Variants in PDZD2 observed in about 807,000 individuals in gnomAD.
The protein encoded by PDZD2 is PDZ domain containing 2.
PDZD2 carries 90 observed loss-of-function variants against 220.7 expected under a neutral mutation model. The observed-to-expected ratio is 0.41, with a 90% CI of 0.34 to 0.49. The LOEUF is 0.49. Among genes scored for constraint, PDZD2 ranks in the 20% least tolerant of loss-of-function variants. The pLI is 0.28. For missense variants in PDZD2, 3,174 were observed against 3,608.5 expected (o/e 0.88, Z 3.08); for synonymous variants, 1,375 against 1,450.5 (o/e 0.95, Z 1.18).
rs543634417 is a variant in PDZD2 at position 31,708,522 on chromosome 5, G to A, written c.-361+69085G>A. ...TGCATCCACTGAAGATCCTCCAAAG[G>A]TCTCAGAGTTATTTCAAGGAGAAAT... On this transcript the variant is annotated intron_variant, in intron 1 of 24. Coordinates refer to ENST00000438447, the MANE Select transcript of PDZD2 (RefSeq NM_178140.4). 1.1e-4 allele frequency among the ~76,000 whole-genome samples: 16 copies of A among 152,304 alleles called. No homozygotes were observed. In the South Asian group the frequency reaches 3.1e-3, roughly 30 times the overall value.
At chr5:31,854,128 C>T (rs895751334) in intron 2 of PDZD2, among the ~76,000 whole-genome samples, 10 of 152,314 alleles carry the variant, frequency 6.6e-5, no homozygotes, top group African/African-American at 2.4e-4. Context: ...CTGCCAGCCC[C>T]CCTCCCCTGC....
intron 1 of PDZD2, among the ~76,000 whole-genome samples, chr5:31,798,454 C>G (rs1266619811): frequency 6.6e-6 from 1 of 152,146 alleles, no homozygotes; most frequent in Non-Finnish European, 1.5e-5. Flanking sequence ...GAATGGAGAG[C>G]CTTCCTGTGT....
At chr5:31,968,685 A>G (rs929216414) in intron 2 of PDZD2, among the ~76,000 whole-genome samples, 2 of 152,138 alleles carry the variant, frequency 1.3e-5, no homozygotes, top group African/African-American at 4.8e-5. Flanking sequence ...AAAAAAAACA[A>G]CCAGACTCCA....
Position 32,101,156 on chromosome 5 carries a change from C to G in PDZD2, c.8270C>G (p.Ser2757Trp). Residue 2757 changes from serine to tryptophan, a missense_variant, in exon 24 of 25, where the codon TCG becomes TGG. By Grantham distance (177) the Ser-to-Trp change is radical (BLOSUM62 -3). This residue lies in a region of PDZD2 where 631 missense variants were observed against 789.9 expected (regional missense o/e 0.80). Coordinates refer to ENST00000438447, the MANE Select transcript of PDZD2 (RefSeq NM_178140.4). Reference sequence around the variant, plus strand: ...CTGTGTGTTGAAGTGCTGAAGACCTCGGCTGGGCTGGGACTGAGTCTGGAT... The same window carrying G: ...CTGTGTGTTGAAGTGCTGAAGACCTGGGCTGGGCTGGGACTGAGTCTGGAT... ...DALCVEVLKT[S>W]AGLGLSLDGG... is the part of the protein sequence containing the mutation. The G allele has an allele frequency of 6.2e-7, 1 of 1,614,012 alleles. No individual in the cohort carries two copies. Among genetic ancestry groups the G allele is most frequent in the Non-Finnish European group, 8.5e-7 (1 of 1,179,908 alleles).
At chr5:31,725,666 T>C in intron 1 of PDZD2, 2 of 1,027,722 alleles carry the variant, frequency 1.9e-6, no homozygotes, top group Non-Finnish European at 3.1e-6. Flanking sequence ...GAGCCAGACT[T>C]GTAATGTGCT....
chr5:32,024,681 TCAAAA>T (rs1478218287), intron 6 of PDZD2, among the ~76,000 whole-genome samples: 3 of 132,468 alleles, frequency 2.3e-5, no homozygotes, highest in South Asian at 2.5e-4. Context: ...AGACTTCATC[TCAAAA>T]AAAAAAAGAA....
Position 32,088,336 on chromosome 5 carries a change from G to A in PDZD2, c.4888G>A (p.Val1630Ile). The change falls in exon 20 of 25, where the codon GTT (valine) becomes ATT (isoleucine). Residue 1630 changes from valine (V) to isoleucine (I), a missense_variant. By Grantham distance (29) the Val-to-Ile change is conservative. Around this residue, in one of 4 missense-constraint regions of PDZD2, gnomAD observed 1,861 missense variants for 2,001.0 expected, o/e 0.93. Transcript: ENST00000438447. This position sits in a 1 kb window ranked among gnomAD's most constrained non-coding sequence, Gnocchi z 4.6. Reference protein sequence around the residue: ...QAAICPASAKVLSLKYSTPRE... With the variant: ...QAAICPASAKILSLKYSTPRE... The stretch of plus-strand genomic sequence containing the variant: ...TGCCATCTGTCCTGCCTCAGCCAAA[G>A]TTCTGTCATTAAAATACAGCACTCC... The A allele has an allele frequency of 6.2e-7, 1 of 1,614,124 alleles. No homozygotes were observed. Among genetic ancestry groups the A allele is most frequent in the Non-Finnish European group, 8.5e-7 (1 of 1,180,032 alleles).
At chr5:32,069,399 T>A (rs551810230) in intron 14 of PDZD2, among the ~76,000 whole-genome samples, 170 bp from the exon 15 acceptor site, 48 of 152,312 alleles carry the variant, frequency 3.2e-4, no homozygotes, top group African/African-American at 1.2e-3. Flanking sequence ...ATGTGTGTGT[T>A]GCTGGACTTC....
intron 6 of PDZD2, among the ~76,000 whole-genome samples, chr5:32,024,399 G>A (rs954692452): frequency 6.6e-6 from 1 of 152,018 alleles, no homozygotes; most frequent in Admixed American, 6.6e-5. Flanking sequence ...TCCAATTAAC[G>A]GGGCCGGGCA....
intron 23 of PDZD2, chr5:32,100,600 C>CT (rs2111677697): frequency 2.9e-6 from 1 of 342,930 alleles, no homozygotes; most frequent in Non-Finnish European, 5.7e-6. Context: ...GCAGGAAGCT[C>CT]TCTGGGTTCC....
intron 1 of PDZD2, among the ~76,000 whole-genome samples, chr5:31,749,853 C>T (rs1004136583): frequency 2.4e-4 from 37 of 152,162 alleles, no homozygotes; most frequent in Admixed American, 1.4e-3. Flanking sequence ...CCAGGTGAGC[C>T]GCGCGTGGCT....
chr5:31,972,304 G>A (rs564887625), intron 2 of PDZD2, among the ~76,000 whole-genome samples: 1 of 152,182 alleles, frequency 6.6e-6, no homozygotes, highest in Admixed American at 6.5e-5. Flanking sequence ...TATAGACATG[G>A]GGTCTCACCA....
chr5:31,719,212 T>A (rs1050998168), intron 1 of PDZD2, among the ~76,000 whole-genome samples: 2 of 152,168 alleles, frequency 1.3e-5, no homozygotes, highest in African/African-American at 4.8e-5. Context: ...GTCAATGGTG[T>A]CTATTCAATA....
At chr5:32,039,270 T>C (rs988415551) in intron 7 of PDZD2, among the ~76,000 whole-genome samples, 4 of 151,490 alleles carry the variant, frequency 2.6e-5, no homozygotes, top group Non-Finnish European at 5.9e-5. Context: ...CCACTCCTGA[T>C]TGGTTTTTGT....
chr5:31,876,544 C>T (rs1183147429), intron 2 of PDZD2, among the ~76,000 whole-genome samples: 2 of 152,076 alleles, frequency 1.3e-5, no homozygotes, highest in African/African-American at 2.4e-5. Flanking sequence ...CCACCCACCT[C>T]GGCTTCCCCA....
intron 1 of PDZD2, among the ~76,000 whole-genome samples, chr5:31,664,518 A>T (rs549719683): frequency 6.6e-6 from 1 of 152,018 alleles, no homozygotes; most frequent in East Asian, 1.9e-4. Context: ...ACACACAGAA[A>T]TACATGCACA....
rs138878471 is a variant in PDZD2, at chr5:32,098,319, G to T, written c.7948-45G>T. 2 of 1,589,114 alleles carry T rather than the reference G, an allele frequency of 1.3e-6. No individual in the cohort carries two copies. Among genetic ancestry groups the T allele is most frequent in the Non-Finnish European group, 1.7e-6 (2 of 1,164,632 alleles). ...TACTATCTCCCTTTTACCGGAAATC[G>T]TAAGTGGATCTGGTTTTTGTTCCCT... On this transcript the variant is annotated intron_variant, in intron 22 of 24. Coordinates refer to ENST00000438447, the MANE Select transcript of PDZD2 (RefSeq NM_178140.4). The surrounding 1 kb of genome is among the most constrained non-coding windows in gnomAD (Gnocchi z 4.1).
At chr5:32,031,096 ACT>A (rs1158724014) in intron 6 of PDZD2, among the ~76,000 whole-genome samples, 2 of 151,206 alleles carry the variant, frequency 1.3e-5, no homozygotes, top group African/African-American at 2.4e-5. Flanking sequence ...CTGGAATTCC[ACT>A]CTCTTCCCTG....
intron 1 of PDZD2, among the ~76,000 whole-genome samples, chr5:31,684,295 G>C (rs1188317413): frequency 6.6e-6 from 1 of 152,094 alleles, no homozygotes; most frequent in South Asian, 2.1e-4. Flanking sequence ...TCTCTTTCTT[G>C]ATTGATGGTG....
Sources: gnomAD v4.1 joint callset for allele counts (sites outside exome capture counted in the v4.1 genomes callset) on GRCh38, gnomAD v4.1.1 for gene constraint, gnomAD v4.1.1 regional missense constraint, Gnocchi (gnomAD v3.1) non-coding constraint, MANE v1.5 for transcripts, NCBI Gene and HGNC (gene_info 2026-07-23, HGNC 2026-07-21) for gene names.